Variants in TLL2 observed in about 807,000 individuals in gnomAD.
The protein encoded by TLL2 is tolloid like 2.
Under a neutral mutation model 123.0 loss-of-function variants are expected in TLL2, and 106 were observed. The observed-to-expected ratio is 0.86, with a 90% CI of 0.74 to 1.01. TLL2 has a LOEUF of 1.01. TLL2 is among the 50% of genes least tolerant of loss of function. The pLI is 0.00. For missense variants in TLL2, 1,332 were observed against 1,336.7 expected (o/e 1.00, Z 0.06); for synonymous variants, 494 against 516.8 (o/e 0.96, Z 0.60).
At position 96,373,628 on chromosome 10, in the gene TLL2, T is replaced by C. The variant is rs1287812731; in HGVS notation, c.2630A>G (p.Gln877Arg). ...GTGCACTGCCTGGAAGCCTTTCCTC[T>C]GCACTGAGGCATCCGAATAAAACCT... ...FLRFYSDASVQRKGFQAVHST... is the reference protein window; with the variant it reads ...FLRFYSDASVRRKGFQAVHST... Residue 877 changes from glutamine to arginine, a missense_variant, in exon 19 of 21, where the codon CAG (glutamine) becomes CGG (arginine). Gln to Arg is a conservative substitution (Grantham distance 43, BLOSUM62 1). Transcript: ENST00000357947. 19 of 1,614,132 alleles carry C rather than the reference T, an allele frequency of 1.2e-5. No individual in the cohort carries two copies. Among genetic ancestry groups the C allele is most frequent in the Non-Finnish European group, 1.5e-5 (18 of 1,180,048 alleles).
At chr10:96,411,234 G>A (rs1846502012) in intron 8 of TLL2, among the ~76,000 whole-genome samples, 2 of 120,984 alleles carry the variant, frequency 1.7e-5, no homozygotes, top group African/African-American at 6.4e-5. Context: ...CTCCAGTCTG[G>A]GTGACAGAGT....
intron 1 of TLL2, among the ~76,000 whole-genome samples, chr10:96,499,976 G>A (rs1847516315): frequency 6.6e-6 from 1 of 151,886 alleles, no homozygotes; most frequent in Non-Finnish European, 1.5e-5. Context: ...CCTAATGGGA[G>A]TGTAAAGGTA....
chr10:96,493,889 G>A (rs1452395953), intron 1 of TLL2, among the ~76,000 whole-genome samples: 3 of 152,190 alleles, frequency 2.0e-5, no homozygotes, highest in Admixed American at 6.5e-5. Context: ...CAATCTTATG[G>A]GGGAAAGTGA....
rs183751282 is a variant in TLL2 at position 96,376,717 on chromosome 10, G to A, written c.2423C>T (p.Ser808Leu). Residue 808 changes from serine to leucine, a missense_variant, in exon 18 of 21, where the codon TCG (serine) becomes TTG (leucine). Transcript: ENST00000357947. ...SRRECTWNIS[S>L]TAGHRVKLTF... ...GAGTTTCACTCTGTGGCCTGCAGTC[G>A]AAGAGATGTTCCAGGTACACTCCCT... is the stretch of plus-strand genomic sequence containing the variant. The A allele has an allele frequency of 5.2e-5, 84 of 1,609,740 alleles. No individual in the cohort carries two copies. In the East Asian group the frequency reaches 9.0e-4, roughly 17 times the overall value.
intron 2 of TLL2, among the ~76,000 whole-genome samples, chr10:96,454,808 T>C (rs537824961): frequency 3.4e-4 from 52 of 152,238 alleles, no homozygotes; most frequent in Non-Finnish European, 6.6e-4. Flanking sequence ...ATTATCCTTA[T>C]TGACTCTAAC....
In TLL2 at chr10:96,504,035, CT is replaced by C. The variant is rs1384446768; in HGVS notation, c.175+9475del. 3.3e-5 allele frequency among the ~76,000 whole-genome samples: 5 copies of C among 152,178 alleles called. No individual in the cohort carries two copies. In the East Asian group the frequency reaches 7.7e-4, roughly 23 times the overall value. Reference sequence around the variant, plus strand: ...TGCAGGTCTTAGCCCAGGCTCTCCCCTATGCAAGCAACCTGACCATGGCCTG... The same window carrying C: ...TGCAGGTCTTAGCCCAGGCTCTCCCCATGCAAGCAACCTGACCATGGCCTG... On this transcript the variant is annotated intron_variant, in intron 1 of 20. Transcript: ENST00000357947.
chr10:96,400,533 A>C (rs1846383129), intron 10 of TLL2, among the ~76,000 whole-genome samples: 1 of 152,158 alleles, frequency 6.6e-6, no homozygotes, highest in South Asian at 2.1e-4. Flanking sequence ...CAAACCATAA[A>C]GCAATTCTGT....
In TLL2 at chr10:96,397,268, G is replaced by T. The variant is rs757920344; in HGVS notation, c.1302C>A (p.Leu434=). The T allele has an allele frequency of 6.2e-7, 1 of 1,613,852 alleles. No homozygotes were observed. The highest frequency in any genetic ancestry group is 1.1e-5 in the South Asian group (1 of 91,044). Residue 434 remains leucine, a synonymous_variant, in exon 11 of 21, where the codon CTC becomes CTA. Coordinates refer to ENST00000357947, the MANE Select transcript of TLL2 (RefSeq NM_012465.4). ...RFCGDKIPEP[L]VSTDSRLWVE... is the part of the protein sequence containing the mutation. ...CCCAGAGCCGGCTGTCCGTGGAGAC[G>T]AGGGGCTCCGGGATCTTATCGCCAC... is the stretch of plus-strand genomic sequence containing the variant.
chr10:96,469,527 A>AC (rs1847158728), intron 2 of TLL2, among the ~76,000 whole-genome samples: 2 of 152,048 alleles, frequency 1.3e-5, no homozygotes, highest in African/African-American at 4.8e-5. Context: ...CCCAGGCTGG[A>AC]CCCCCACCAC....
At chr10:96,473,144 A>T (rs1847201753) in intron 2 of TLL2, among the ~76,000 whole-genome samples, 1 of 152,160 alleles carries the variant, frequency 6.6e-6, no homozygotes, top group Admixed American at 6.5e-5. Context: ...CTAGGAACCA[A>T]AGGGTCTGTG....
chr10:96,397,684 T>C (rs1209140092), intron 10 of TLL2, among the ~76,000 whole-genome samples: 1 of 152,194 alleles, frequency 6.6e-6, no homozygotes. Flanking sequence ...CCCTTCCCTT[T>C]TGGGGGCATT....
intron 8 of TLL2, 88 bp from the exon 9 acceptor site, chr10:96,410,562 C>T (rs561258640): frequency 2.5e-5 from 25 of 1,012,532 alleles, no homozygotes; most frequent in Non-Finnish European, 3.2e-5. Flanking sequence ...AGCAAACATA[C>T]CCCTTTGCCA....
intron 2 of TLL2, among the ~76,000 whole-genome samples, chr10:96,451,746 C>T (rs1846961559): frequency 6.6e-6 from 1 of 152,116 alleles, no homozygotes; most frequent in Non-Finnish European, 1.5e-5. Context: ...TGCAGGGTAA[C>T]TGAGGCTTAG....
chr10:96,459,705 A>AAAAAAAAATAT (rs1847058581), intron 2 of TLL2, among the ~76,000 whole-genome samples: 1 of 38,038 alleles, frequency 2.6e-5, no homozygotes, highest in Non-Finnish European at 4.4e-5. Flanking sequence ...AAAAAAAAAA[A>AAAAAAAAATAT]ATATATATAT....
intron 14 of TLL2, among the ~76,000 whole-genome samples, chr10:96,386,557 C>A (rs183466598): frequency 6.6e-6 from 1 of 152,184 alleles, no homozygotes; most frequent in Admixed American, 6.5e-5. Flanking sequence ...CATGAACAAG[C>A]GGATTCATGC....
chr10:96,484,853 C>T (rs552365386), intron 1 of TLL2, among the ~76,000 whole-genome samples: 1 of 152,274 alleles, frequency 6.6e-6, no homozygotes, highest in South Asian at 2.1e-4. Context: ...CATGCTTCTC[C>T]CTGTTCTTGG....
intron 10 of TLL2, among the ~76,000 whole-genome samples, chr10:96,399,379 T>G (rs574485629): frequency 2.0e-5 from 3 of 152,058 alleles, no homozygotes; most frequent in African/African-American, 7.2e-5. Flanking sequence ...TATGAGCAGG[T>G]GAGGTTAGGG....
intron 7 of TLL2, 28 bp downstream of exon 7, chr10:96,420,928 C>T (rs2134075164): frequency 1.2e-6 from 2 of 1,606,230 alleles, no homozygotes; most frequent in South Asian, 2.2e-5. Flanking sequence ...CAGTAAAACA[C>T]AGACGAGGCA....
chr10:96,472,305 C>T (rs190651196), intron 2 of TLL2, among the ~76,000 whole-genome samples: 1 of 152,244 alleles, frequency 6.6e-6, no homozygotes, highest in Admixed American at 6.5e-5. Flanking sequence ...ATAGGGAGCC[C>T]CCCACTGACC....
Sources: allele counts gnomAD v4.1 joint callset (sites outside exome capture counted in the v4.1 genomes callset), GRCh38; gene constraint gnomAD v4.1.1; transcripts MANE v1.5; gene names NCBI Gene and HGNC (gene_info 2026-07-23, HGNC 2026-07-21).